The following GPC5 variants were observed in gnomAD, a reference collection of about 807,000 sequenced individuals.
The protein encoded by GPC5 is glypican-5.
Under a neutral mutation model 53.9 loss-of-function variants are expected in GPC5, and 47 were observed. That is an observed-to-expected ratio of 0.87 (90% CI 0.69 to 1.11). The LOEUF (loss-of-function observed/expected upper bound fraction) is 1.11. Among genes scored for constraint, GPC5 ranks in the 50% most tolerant of loss-of-function variants. The pLI, the probability that GPC5 is intolerant of heterozygous loss-of-function variation, is 0.00. For missense variants in GPC5, 748 were observed against 713.1 expected (o/e 1.05, Z -0.56); for synonymous variants, 286 against 263.3 (o/e 1.09, Z -0.84).
chr13:92,371,941 G>A (rs2043653847), intron 7 of GPC5, among the ~76,000 whole-genome samples: 1 of 152,208 alleles, frequency 6.6e-6, no homozygotes, highest in Non-Finnish European at 1.5e-5. Flanking sequence ...GAAGATAAAG[G>A]AAGGAGCTTG....
chr13:92,862,187 A>C (rs1219939342), intron 7 of GPC5, among the ~76,000 whole-genome samples: 1 of 152,176 alleles, frequency 6.6e-6, no homozygotes, highest in Non-Finnish European at 1.5e-5. Context: ...ACCTGTTCCA[A>C]ATATTTAGAA....
chr13:92,253,260 A>G (rs1443697349), intron 7 of GPC5, among the ~76,000 whole-genome samples: 1 of 152,084 alleles, frequency 6.6e-6, no homozygotes, highest in Non-Finnish European at 1.5e-5. Context: ...AGACTAGACA[A>G]CTGTGGACTG....
intron 5 of GPC5, among the ~76,000 whole-genome samples, chr13:91,779,307 G>A (rs944451858): frequency 6.6e-6 from 1 of 152,048 alleles, no homozygotes; most frequent in African/African-American, 2.4e-5. Flanking sequence ...TGGTGGAGCT[G>A]TACAAAAATA....
At chr13:92,417,252 T>A (rs113570605) in intron 7 of GPC5, among the ~76,000 whole-genome samples, 6 of 152,328 alleles carry the variant, frequency 3.9e-5, no homozygotes, top group African/African-American at 1.4e-4. Flanking sequence ...ACACATGAAA[T>A]ATGTTCAACA....
intron 6 of GPC5, among the ~76,000 whole-genome samples, chr13:91,924,231 T>C (rs1470403453): frequency 6.6e-6 from 1 of 152,198 alleles, no homozygotes; most frequent in Non-Finnish European, 1.5e-5. Flanking sequence ...TCATACTTAA[T>C]TCTGATTTAA....
chr13:91,666,722 C>A (rs144863058), intron 2 of GPC5, among the ~76,000 whole-genome samples: 3 of 151,898 alleles, frequency 2.0e-5, no homozygotes, highest in Admixed American at 1.3e-4. Flanking sequence ...GCATTTTATA[C>A]CTATTATGCA....
At chr13:92,337,697 C>T (rs78691737) in intron 7 of GPC5, among the ~76,000 whole-genome samples, 2,277 of 152,170 alleles carry the variant, frequency 0.015, 59 homozygotes, top group African/African-American at 0.052. Flanking sequence ...AAAGGAAATG[C>T]GATGGTGCAA....
intron 7 of GPC5, among the ~76,000 whole-genome samples, chr13:92,653,085 A>T (rs1283135649): frequency 6.6e-6 from 1 of 152,184 alleles, no homozygotes; most frequent in Non-Finnish European, 1.5e-5. Context: ...GAGTGGAAAA[A>T]TATGGGAGGG....
At chr13:91,481,443 C>A (rs996265011) in intron 2 of GPC5, among the ~76,000 whole-genome samples, 1 of 152,158 alleles carries the variant, frequency 6.6e-6, no homozygotes, top group African/African-American at 2.4e-5. Context: ...ATCCCTATGA[C>A]CTGCTAAACT....
intron 7 of GPC5, among the ~76,000 whole-genome samples, chr13:92,766,364 T>G (rs1875405594): frequency 6.6e-6 from 1 of 151,976 alleles, no homozygotes; most frequent in Non-Finnish European, 1.5e-5. Flanking sequence ...ACATATAAAG[T>G]GAAAAATCTT....
chr13:91,496,492 C>A (rs1469148459), intron 2 of GPC5, among the ~76,000 whole-genome samples: 1 of 152,178 alleles, frequency 6.6e-6, no homozygotes, highest in South Asian at 2.1e-4. Context: ...ATGAATGGAA[C>A]TGTTCATTAT....
intron 1 of GPC5, among the ~76,000 whole-genome samples, chr13:91,411,241 G>A (rs1469803816): frequency 6.6e-6 from 1 of 152,248 alleles, no homozygotes; most frequent in Non-Finnish European, 1.5e-5. Context: ...ATTAATGTGA[G>A]TAGGGATAGA....
intron 7 of GPC5, among the ~76,000 whole-genome samples, chr13:92,421,518 T>C (rs1028842239): frequency 5.3e-5 from 8 of 151,688 alleles, no homozygotes; most frequent in African/African-American, 1.9e-4. Flanking sequence ...GCTAACACGG[T>C]GAAACCCTGT....
At chr13:92,238,512 T>G (rs1057118278) in intron 7 of GPC5, among the ~76,000 whole-genome samples, 4 of 152,110 alleles carry the variant, frequency 2.6e-5, no homozygotes, top group Non-Finnish European at 4.4e-5. Flanking sequence ...TAGAGAAATG[T>G]CTACTTAGTG....
At chr13:91,463,121 C>G (rs1882037471) in intron 2 of GPC5, among the ~76,000 whole-genome samples, 1 of 152,024 alleles carries the variant, frequency 6.6e-6, no homozygotes, top group African/African-American at 2.4e-5. Flanking sequence ...AGCTCAGGCC[C>G]CCCATATAAA....
intron 7 of GPC5, among the ~76,000 whole-genome samples, chr13:92,151,966 G>C (rs1460173212): frequency 6.6e-6 from 1 of 152,126 alleles, no homozygotes; most frequent in Non-Finnish European, 1.5e-5. Flanking sequence ...TGAGAGGATG[G>C]ACTTATAATT....
At chr13:92,293,569 T>C (rs2043013161) in intron 7 of GPC5, among the ~76,000 whole-genome samples, 1 of 152,078 alleles carries the variant, frequency 6.6e-6, no homozygotes. Flanking sequence ...TGCTGAATTA[T>C]TTTATCAGTT....
intron 5 of GPC5, among the ~76,000 whole-genome samples, chr13:91,861,363 T>C (rs2039026022): frequency 6.6e-6 from 1 of 152,190 alleles, no homozygotes; most frequent in South Asian, 2.1e-4. Context: ...CAGTTCTGCT[T>C]ACTTTCCTTC....
At chr13:91,478,729 G>T (rs540513452) in intron 2 of GPC5, among the ~76,000 whole-genome samples, 1 of 145,340 alleles carries the variant, frequency 6.9e-6, no homozygotes, top group Admixed American at 6.9e-5. Flanking sequence ...CAGGAGGATT[G>T]GGCTCAGATC....
Sources: gnomAD v4.1 joint callset for allele counts (sites outside exome capture counted in the v4.1 genomes callset) on GRCh38, gnomAD v4.1.1 for gene constraint, MANE v1.5 for transcripts, NCBI Gene and HGNC (gene_info 2026-07-23, HGNC 2026-07-21) for gene names.